The following CUL3 variants were observed in gnomAD, a reference collection of about 807,000 sequenced individuals.
CUL3 encodes cullin-3.
CUL3 carries 19 observed loss-of-function variants against 89.1 expected under a neutral mutation model. The observed-to-expected ratio is 0.21, with a 90% CI of 0.15 to 0.31. The LOEUF (loss-of-function observed/expected upper bound fraction) is 0.31, where lower values mean the gene tolerates loss of function less well. Ranked by LOEUF, CUL3 falls within the 10% of genes least tolerant of loss-of-function variation. The probability of loss-of-function intolerance (pLI) is 1.00; values close to 1 mark genes in which losing one functional copy is unlikely to be tolerated. For synonymous variants in CUL3, 351 were observed against 308.4 expected (o/e 1.14, Z -1.45); for missense variants, 469 against 942.3 (o/e 0.50, Z 6.58).
rs1410774116 is a variant in CUL3, at chr2:224,472,055, T to C, written c.*2190A>G. ...ATGACCTAAAATAATACTTATGCAG[T>C]CAAACATATAAACATTTTGTGTGAC... On this transcript the variant is annotated 3_prime_UTR_variant, in exon 16 of 16. Transcript: ENST00000264414. 4.3e-6 allele frequency: 1 copy of C among 230,670 alleles called. No homozygotes were observed. The highest frequency in any genetic ancestry group is 8.6e-6 in the Non-Finnish European group (1 of 116,580). 14.3% of individuals were successfully genotyped at this position (230,670 alleles called of 1,614,324 possible).
intron 3 of CUL3, among the ~76,000 whole-genome samples, chr2:224,530,631 G>A (rs1469413512): frequency 6.6e-6 from 1 of 152,192 alleles, no homozygotes; most frequent in East Asian, 1.9e-4. Flanking sequence ...TTTTGGTTGG[G>A]CACAGTGGCT....
chr2:224,503,396 T>C (rs535615788), intron 9 of CUL3, among the ~76,000 whole-genome samples: 1 of 152,314 alleles, frequency 6.6e-6, no homozygotes, highest in South Asian at 2.1e-4. Flanking sequence ...CTTTATTGTT[T>C]CCCTTTTACT....
chr2:224,505,451 T>C (rs1228870728), intron 8 of CUL3, among the ~76,000 whole-genome samples: 1 of 152,096 alleles, frequency 6.6e-6, no homozygotes, highest in East Asian at 1.9e-4. Flanking sequence ...GTTCAGTTTT[T>C]TTGAGACAAG....
chr2:224,513,850 T>A (rs2106221755), intron 4 of CUL3, among the ~76,000 whole-genome samples: 1 of 152,314 alleles, frequency 6.6e-6, no homozygotes, highest in Admixed American at 6.5e-5. Flanking sequence ...TCTCTCAAGG[T>A]GTTCTTACTC....
intron 14 of CUL3, chr2:224,479,607 T>TG (rs1691453998): frequency 6.6e-6 from 1 of 152,148 alleles, no homozygotes; most frequent in South Asian, 2.1e-4. Context: ...TTAATTTTCT[T>TG]GGATATGATA....
intron 1 of CUL3, among the ~76,000 whole-genome samples, chr2:224,584,642 G>A (rs1275172987): frequency 6.6e-6 from 1 of 151,668 alleles, no homozygotes; most frequent in Non-Finnish European, 1.5e-5. Context: ...AACGTGGGGA[G>A]GCGTGGGGCG....
intron 2 of CUL3, among the ~76,000 whole-genome samples, chr2:224,546,028 A>C (rs1178712948): frequency 6.6e-6 from 1 of 152,220 alleles, no homozygotes; most frequent in Non-Finnish European, 1.5e-5. Context: ...AAATACTACT[A>C]TGAAAAATGA....
intron 6 of CUL3, among the ~76,000 whole-genome samples, chr2:224,508,213 C>T (rs909878376): frequency 7.9e-5 from 12 of 151,598 alleles, no homozygotes; most frequent in Non-Finnish European, 7.4e-5. Context: ...AAGTTGTATA[C>T]ATTTTTAAAA....
intron 3 of CUL3, among the ~76,000 whole-genome samples, chr2:224,521,303 T>C (rs1009040964): frequency 8.5e-5 from 13 of 152,216 alleles, no homozygotes; most frequent in Middle Eastern, 3.2e-3. Context: ...ATTCTAAAAC[T>C]AACCTTTGGG....
chr2:224,547,635 T>C (rs991746463), intron 2 of CUL3, among the ~76,000 whole-genome samples: 2 of 152,136 alleles, frequency 1.3e-5, no homozygotes, highest in African/African-American at 4.8e-5. Flanking sequence ...TCAATCTCTG[T>C]GGGCCTCTGA....
chr2:224,543,050 T>C (rs1694175086), intron 2 of CUL3, among the ~76,000 whole-genome samples: 1 of 152,242 alleles, frequency 6.6e-6, no homozygotes, highest in Admixed American at 6.5e-5. Context: ...TTTCACACTC[T>C]ACATTTCAAT....
intron 11 of CUL3, among the ~76,000 whole-genome samples, chr2:224,498,097 A>C (rs1289359134): frequency 6.6e-6 from 1 of 152,116 alleles, no homozygotes; most frequent in African/African-American, 2.4e-5. Flanking sequence ...TCTACTGTAC[A>C]CTCTGCCCCA....
At chr2:224,505,875 C>T (rs2106202174) in intron 8 of CUL3, 81 bp downstream of exon 8, 1 of 935,266 alleles carries the variant, frequency 1.1e-6, no homozygotes, top group Non-Finnish European at 1.5e-6. Flanking sequence ...TAATTTTTAT[C>T]TGTGAAATGT....
At chr2:224,504,105 A>G (rs1260576797) in intron 8 of CUL3, 6 of 244,734 alleles carry the variant, frequency 2.5e-5, no homozygotes, top group Non-Finnish European at 4.7e-5. Flanking sequence ...CGCTGGGTTA[A>G]GGGATGATTG....
Position 224,484,715 on chromosome 2 carries a change from C to T in CUL3, c.1843-2637G>A, listed in dbSNP as rs1691654337. 2.0e-5 allele frequency among the ~76,000 whole-genome samples: 3 copies of T among 152,270 alleles called. No individual in the cohort carries two copies. The South Asian group carries it at 6.2e-4, about 32-fold the overall frequency. ...ATTTGCACTTATATTTAGATTTTCACATTTATCTGGAATTTTATATTTGAT... is the reference window on the plus strand; with the variant it reads ...ATTTGCACTTATATTTAGATTTTCATATTTATCTGGAATTTTATATTTGAT... On this transcript the variant is annotated intron_variant, in intron 13 of 15. Coordinates refer to ENST00000264414, the MANE Select transcript of CUL3 (RefSeq NM_003590.5).
Position 224,557,646 on chromosome 2 carries a change from T to TA in CUL3, c.264+12dup, listed in dbSNP as rs755335640. On this transcript the variant is annotated intron_variant, in intron 2 of 15. Transcript: ENST00000264414. The stretch of plus-strand genomic sequence containing the variant: ...CAATATAGTATTAGCAACAGTCCTT[T>TA]AAAGTTTGATACCTTATTTATGAGA... 10 of 1,573,640 alleles carry TA rather than the reference T, an allele frequency of 6.4e-6. No individual in the cohort carries two copies. Among genetic ancestry groups the TA allele is most frequent in the Middle Eastern group, 2.1e-4 (1 of 4,784 alleles).
rs2106142495 is a variant in CUL3, at chr2:224,478,212, A to G, written c.2163T>C (p.Val721=). 6.2e-7 allele frequency: 1 copy of G among 1,612,800 alleles called. No homozygotes were observed. The highest frequency in any genetic ancestry group is 1.1e-5 in the South Asian group (1 of 90,770). The change falls in exon 15 of 16, where the codon GTT becomes GTC. Residue 721 remains valine, a synonymous_variant. Transcript: ENST00000264414. ...MKSRKKMQHN[V]LVAEVTQQLK... Reference sequence around the variant, plus strand: ...GAAGAGTCCTCACCTCCGCTACTAGAACATTGTGCTGCATCTTCTTTCTAG... The same window carrying G: ...GAAGAGTCCTCACCTCCGCTACTAGGACATTGTGCTGCATCTTCTTTCTAG...
intron 1 of CUL3, among the ~76,000 whole-genome samples, chr2:224,575,930 A>G (rs555429842): frequency 6.6e-6 from 1 of 152,376 alleles, no homozygotes; most frequent in East Asian, 1.9e-4. Context: ...CGTATTTTAA[A>G]TTGAATAAAT....
rs1037545969 is a variant in CUL3, at chr2:224,470,631, A to G, written c.*3614T>C. The G allele has an allele frequency of 3.0e-5, 7 of 231,850 alleles. No individual in the cohort carries two copies. The highest frequency in any genetic ancestry group is 1.5e-4 in the African/African-American group (7 of 45,306). 14.4% of individuals were successfully genotyped at this position (231,850 alleles called of 1,614,324 possible). A position where few individuals can be genotyped will look rare whatever the true frequency, so the allele number is the denominator to read the frequency against. Reference sequence around the variant, plus strand: ...TCTGTGGTACCCACTTAAGTATGTAAAACTTTCTCTAAGATTGTAGGAGAC... The same window carrying G: ...TCTGTGGTACCCACTTAAGTATGTAGAACTTTCTCTAAGATTGTAGGAGAC... On this transcript the variant is annotated 3_prime_UTR_variant, in exon 16 of 16. Coordinates refer to ENST00000264414, the MANE Select transcript of CUL3 (RefSeq NM_003590.5).
Sources: gnomAD v4.1 joint callset for allele counts (sites outside exome capture counted in the v4.1 genomes callset) on GRCh38, gnomAD v4.1.1 for gene constraint, MANE v1.5 for transcripts, NCBI Gene and HGNC (gene_info 2026-07-23, HGNC 2026-07-21) for gene names.